Variants in CCDC85A observed in about 807,000 individuals in gnomAD.
CCDC85A encodes coiled-coil domain containing 85A.
CCDC85A carries 38 observed loss-of-function variants against 50.2 expected under a neutral mutation model. The observed-to-expected ratio is 0.76, with a 90% confidence interval of 0.58 to 0.99. The LOEUF is 0.99. Ranked by LOEUF, CCDC85A falls within the 50% of genes least tolerant of loss-of-function variation. The pLI, the probability that CCDC85A is intolerant of heterozygous loss-of-function variation, is 0.00. For synonymous variants in CCDC85A, 366 were observed against 301.4 expected (o/e 1.21, Z -2.22); for missense variants, 820 against 742.0 (o/e 1.11, Z -1.22).
chr2:56,209,286 C>G (rs1176464507), intron 2 of CCDC85A, among the ~76,000 whole-genome samples: 2 of 152,122 alleles, frequency 1.3e-5, no homozygotes, highest in Non-Finnish European at 2.9e-5. Flanking sequence ...CATGTGACTT[C>G]TTTTCTGTGC....
intron 2 of CCDC85A, among the ~76,000 whole-genome samples, chr2:56,330,437 A>G (rs554531980): frequency 6.6e-6 from 1 of 152,302 alleles, no homozygotes; most frequent in East Asian, 1.9e-4. Context: ...ATCTTGAATA[A>G]TTGCTTCAAA....
At chr2:56,319,014 G>A (rs1178578797) in intron 2 of CCDC85A, among the ~76,000 whole-genome samples, 4 of 152,110 alleles carry the variant, frequency 2.6e-5, no homozygotes, top group African/African-American at 9.7e-5. Flanking sequence ...CCGTCATGAT[G>A]CTGGAGCAGG....
chr2:56,267,260 C>T (rs1573134644), intron 2 of CCDC85A, among the ~76,000 whole-genome samples: 1 of 152,160 alleles, frequency 6.6e-6, no homozygotes, highest in East Asian at 1.9e-4. Flanking sequence ...CTAGCGAAGG[C>T]TGCAGAATAT....
At chr2:56,293,101 T>C (rs1262600506) in intron 2 of CCDC85A, among the ~76,000 whole-genome samples, 2 of 152,188 alleles carry the variant, frequency 1.3e-5, no homozygotes, top group Non-Finnish European at 2.9e-5. Context: ...CCCTGGGTAC[T>C]GGCTGGCAGC....
At chr2:56,294,015 T>C (rs1671837375) in intron 2 of CCDC85A, among the ~76,000 whole-genome samples, 1 of 152,228 alleles carries the variant, frequency 6.6e-6, no homozygotes, top group African/African-American at 2.4e-5. Context: ...CTTATGTTTA[T>C]TGCAGCACTA....
intron 2 of CCDC85A, among the ~76,000 whole-genome samples, chr2:56,313,712 C>T (rs950866440): frequency 6.6e-6 from 1 of 152,128 alleles, no homozygotes; most frequent in Non-Finnish European, 1.5e-5. Context: ...GCCATGGATA[C>T]TTGCTGTGGC....
chr2:56,372,764 G>T (rs546548281), intron 4 of CCDC85A, among the ~76,000 whole-genome samples: 1 of 152,248 alleles, frequency 6.6e-6, no homozygotes, highest in African/African-American at 2.4e-5. Context: ...TAGGTCAGTG[G>T]TCTTGAAAAT....
At chr2:56,230,511 C>T (rs1420011208) in intron 2 of CCDC85A, among the ~76,000 whole-genome samples, 2 of 152,078 alleles carry the variant, frequency 1.3e-5, no homozygotes, top group East Asian at 3.9e-4. Context: ...AGGTTATTTT[C>T]CAGTGGTTTG....
intron 2 of CCDC85A, among the ~76,000 whole-genome samples, chr2:56,333,258 G>C (rs986509084): frequency 4.6e-5 from 7 of 152,302 alleles, no homozygotes; most frequent in African/African-American, 1.7e-4. Flanking sequence ...GTCTCAATGA[G>C]AAGTTGTGAT....
chr2:56,186,600 G>C (rs993453955), intron 1 of CCDC85A, among the ~76,000 whole-genome samples: 1 of 152,170 alleles, frequency 6.6e-6, no homozygotes, highest in East Asian at 1.9e-4. Context: ...TTCTTCCATG[G>C]TCTGAACAAT....
intron 2 of CCDC85A, among the ~76,000 whole-genome samples, chr2:56,298,342 A>C (rs564399354): frequency 5.3e-5 from 8 of 152,182 alleles, no homozygotes; most frequent in African/African-American, 9.7e-5. Context: ...CCTAGGAAGC[A>C]ACATGGAATT....
intron 2 of CCDC85A, among the ~76,000 whole-genome samples, chr2:56,288,421 A>C (rs1671546551): frequency 6.6e-6 from 1 of 152,198 alleles, no homozygotes; most frequent in East Asian, 1.9e-4. Flanking sequence ...TCTTCTTATA[A>C]ATACAAACTA....
intron 2 of CCDC85A, among the ~76,000 whole-genome samples, chr2:56,288,604 A>G (rs1421407785): frequency 6.6e-6 from 1 of 152,174 alleles, no homozygotes; most frequent in Admixed American, 6.5e-5. Context: ...TGACATTTCC[A>G]GAACCGAGTT....
chr2:56,237,973 A>G (rs10490399), intron 2 of CCDC85A, among the ~76,000 whole-genome samples: 3,023 of 152,288 alleles, frequency 0.02, 52 homozygotes, highest in South Asian at 0.046. Flanking sequence ...TTCACATTAC[A>G]GAGTTGAAAG....
intron 2 of CCDC85A, among the ~76,000 whole-genome samples, chr2:56,313,549 T>C (rs1416867470): frequency 6.6e-6 from 1 of 152,154 alleles, no homozygotes; most frequent in Non-Finnish European, 1.5e-5. Flanking sequence ...GCCATGTCAT[T>C]GCACAGCAGA....
chr2:56,211,620 G>A (rs999331302), intron 2 of CCDC85A, among the ~76,000 whole-genome samples: 4 of 151,824 alleles, frequency 2.6e-5, no homozygotes, highest in Admixed American at 2.6e-4. Context: ...ACCAAACTCT[G>A]TTCTTTGGGA....
intron 2 of CCDC85A, among the ~76,000 whole-genome samples, chr2:56,196,270 A>G (rs1011384023): frequency 6.6e-6 from 1 of 152,248 alleles, no homozygotes; most frequent in African/African-American, 2.4e-5. Flanking sequence ...ACTCTTTAGA[A>G]GTTACTGTTC....
At chr2:56,221,098 A>G (rs903104459) in intron 2 of CCDC85A, among the ~76,000 whole-genome samples, 3 of 152,046 alleles carry the variant, frequency 2.0e-5, no homozygotes, top group Non-Finnish European at 4.4e-5. Flanking sequence ...TTCATTTCCT[A>G]GTATACCAAT....
chr2:56,224,741 A>G (rs1668472631), intron 2 of CCDC85A, among the ~76,000 whole-genome samples: 1 of 152,132 alleles, frequency 6.6e-6, no homozygotes, highest in Non-Finnish European at 1.5e-5. Context: ...TTGATTGTAT[A>G]TTCTTTGGAG....
Sources: allele counts gnomAD v4.1 joint callset (sites outside exome capture counted in the v4.1 genomes callset), GRCh38; gene constraint gnomAD v4.1.1; transcripts MANE v1.5; gene names NCBI Gene and HGNC (gene_info 2026-07-23, HGNC 2026-07-21).